The following MIA2 variants were observed in gnomAD, a reference collection of about 807,000 sequenced individuals.
The protein encoded by MIA2 is melanoma inhibitory activity protein 2.
Under a neutral mutation model 167.8 loss-of-function variants are expected in MIA2, and 127 were observed. That is an observed-to-expected ratio of 0.76 (90% CI 0.66 to 0.88). MIA2 has a LOEUF of 0.88. MIA2 is among the 40% of genes least tolerant of loss of function. The pLI, the probability that MIA2 is intolerant of heterozygous loss-of-function variation, is 0.00. For missense variants in MIA2, 1,690 were observed against 1,624.7 expected (o/e 1.04, Z -0.69); for synonymous variants, 552 against 541.9 (o/e 1.02, Z -0.26).
At chr14:39,294,844 C>T in intron 12 of MIA2, 81 bp from the exon 13 acceptor site, 1 of 919,584 alleles carries the variant, frequency 1.1e-6, no homozygotes, top group Non-Finnish European at 1.7e-6. Context: ...TTGTTTAATT[C>T]TGTGTTCTAG....
At chr14:39,269,074 G>GATTTTTTTTT in intron 6 of MIA2, 1 of 580,220 alleles carries the variant, frequency 1.7e-6, no homozygotes, top group Non-Finnish European at 2.0e-6. Context: ...CACCTGCACA[G>GATTTTTTTTT]TTTTTTTTTT....
chr14:39,271,956 C>T (rs988852344), intron 6 of MIA2, among the ~76,000 whole-genome samples: 1 of 152,062 alleles, frequency 6.6e-6, no homozygotes, highest in African/African-American at 2.4e-5. Flanking sequence ...GGGTCTGCGG[C>T]CTTTTGTGGA....
intron 25 of MIA2, among the ~76,000 whole-genome samples, chr14:39,341,357 A>G (rs1286351238): frequency 6.6e-6 from 1 of 152,148 alleles, no homozygotes; most frequent in Non-Finnish European, 1.5e-5. Context: ...GGATAATATA[A>G]CATATTTATT....
chr14:39,268,077 A>C (rs2056336579), intron 6 of MIA2, among the ~76,000 whole-genome samples: 1 of 151,708 alleles, frequency 6.6e-6, no homozygotes, highest in Admixed American at 6.6e-5. Context: ...TACAGTCTAG[A>C]GATAGTAAAC....
chr14:39,265,324 C>A, intron 6 of MIA2: 1 of 1,175,980 alleles, frequency 8.5e-7, no homozygotes, highest in Non-Finnish European at 1.3e-6. Context: ...TGAAATCTTT[C>A]TCAAGGATAT....
At chr14:39,372,714 T>C (rs968343802) in intron 23 of MIA2, among the ~76,000 whole-genome samples, 2 of 152,194 alleles carry the variant, frequency 1.3e-5, no homozygotes, top group African/African-American at 4.8e-5. Context: ...AAACCAGATA[T>C]AAGTTGTATG....
At position 39,313,438 on chromosome 14, in the gene MIA2, A is replaced by G. The variant is rs898706495; in HGVS notation, c.3116A>G (p.Tyr1039Cys). The G allele has an allele frequency of 1.9e-6, 3 of 1,565,164 alleles. No homozygotes were observed. The highest frequency in any genetic ancestry group is 1.4e-5 in the African/African-American group (1 of 72,870). ...CATGCCACTGAAGAGCTGGAGACCTATAGGTATTAAATACATTTTTCTGGT... is the reference window on the plus strand; with the variant it reads ...CATGCCACTGAAGAGCTGGAGACCTGTAGGTATTAAATACATTTTTCTGGT... ...ISHATEELET[Y>C]RKRAKDLEEE... Residue 1039 changes from tyrosine (Y) to cysteine (C), a missense_variant, in exon 19 of 29, where the codon TAT (tyrosine) becomes TGT (cysteine). Tyr to Cys is a radical substitution (Grantham distance 194). Coordinates refer to ENST00000640607, the MANE Select transcript of MIA2 (RefSeq NM_001329214.4).
chr14:39,354,916 C>G (rs1048908103), downstream of MIA2, among the ~76,000 whole-genome samples: 3 of 151,972 alleles, frequency 2.0e-5, no homozygotes, highest in East Asian at 3.9e-4. Flanking sequence ...TTCCATTGAT[C>G]TATATCTCTG....
At chr14:39,319,320 A>G (rs991400727) in intron 23 of MIA2, 29 bp downstream of exon 23, 3 of 1,239,504 alleles carry the variant, frequency 2.4e-6, no homozygotes, top group African/African-American at 1.5e-5. Context: ...CCCCTCATTT[A>G]AAATACATAT....
At chr14:39,251,015 C>A (rs981233298) in intron 4 of MIA2, among the ~76,000 whole-genome samples, 1 of 151,914 alleles carries the variant, frequency 6.6e-6, no homozygotes, top group African/African-American at 2.4e-5. Context: ...TTCTATAAAG[C>A]CACAGGCCCT....
intron 23 of MIA2, among the ~76,000 whole-genome samples, chr14:39,367,169 C>G (rs1179697683): frequency 2.6e-5 from 4 of 152,168 alleles, no homozygotes; most frequent in Non-Finnish European, 1.5e-5. Context: ...GGCAGCCTCC[C>G]TTGTGTGCTA....
intron 9 of MIA2, among the ~76,000 whole-genome samples, chr14:39,290,213 T>C (rs1379863557): frequency 6.6e-6 from 1 of 152,208 alleles, no homozygotes; most frequent in African/African-American, 2.4e-5. Flanking sequence ...CATCAGCCTC[T>C]TCTTCTAGGG....
At chr14:39,274,431 C>CTTTTTTTTTTTTTTTT (rs547198743) in intron 6 of MIA2, among the ~76,000 whole-genome samples, 3 of 136,982 alleles carry the variant, frequency 2.2e-5, no homozygotes, top group Non-Finnish European at 1.6e-5. Context: ...TTCTTTTTTT[C>CTTTTTTTTTTTTTTTT]TTTTTTTTTT....
In MIA2 at chr14:39,247,230, CT is replaced by C; in HGVS notation, c.657del (p.Val220CysfsTer37). Reference sequence around the variant, plus strand: ...GAAGTGCATGTCCCACCATCTTCAGCTGTGTCTGGAGTCAAAGAATGGTTTG... The same window carrying C: ...GAAGTGCATGTCCCACCATCTTCAGCGTGTCTGGAGTCAAAGAATGGTTTG... ...IPEVHVPPSS[A>X]VSGVKEWFGL... On this transcript the variant is annotated frameshift_variant, in exon 4 of 29. Coordinates refer to ENST00000640607, the MANE Select transcript of MIA2 (RefSeq NM_001329214.4). LOFTEE classifies it high-confidence loss of function. The C allele has an allele frequency of 3.7e-6, 6 of 1,614,090 alleles. No individual in the cohort carries two copies. Among genetic ancestry groups the C allele is most frequent in the Non-Finnish European group, 5.1e-6 (6 of 1,180,020 alleles).
intron 25 of MIA2, among the ~76,000 whole-genome samples, chr14:39,345,667 C>G (rs1240238555): frequency 6.6e-6 from 1 of 152,054 alleles, no homozygotes; most frequent in African/African-American, 2.4e-5. Flanking sequence ...CTAATTTACA[C>G]ATAGTAATTG....
intron 4 of MIA2, 64 bp from the exon 5 acceptor site, chr14:39,252,683 CA>C: frequency 7.8e-7 from 1 of 1,286,344 alleles, no homozygotes; most frequent in South Asian, 1.4e-5. Context: ...GCCTAGAAAA[CA>C]AAAGGGGAGC....
chr14:39,302,480 C>CTT (rs989199095), intron 15 of MIA2, among the ~76,000 whole-genome samples: 2 of 151,966 alleles, frequency 1.3e-5, no homozygotes, highest in Non-Finnish European at 2.9e-5. Flanking sequence ...AGCCTCCTCC[C>CTT]TTTTTTTTGT....
chr14:39,242,687 A>C (rs1370827960), intron 3 of MIA2, among the ~76,000 whole-genome samples: 1 of 152,174 alleles, frequency 6.6e-6, no homozygotes, highest in African/African-American at 2.4e-5. Context: ...CACCTAGCAC[A>C]GTGCCAGGCA....
intron 2 of MIA2, among the ~76,000 whole-genome samples, chr14:39,238,629 T>C (rs2152604382): frequency 6.6e-6 from 1 of 151,692 alleles, no homozygotes; most frequent in African/African-American, 2.4e-5. Context: ...ACCTCATCTC[T>C]ACTAAAAATA....
Sources: gnomAD v4.1 joint callset for allele counts (sites outside exome capture counted in the v4.1 genomes callset) on GRCh38, gnomAD v4.1.1 for gene constraint, MANE v1.5 for transcripts, NCBI Gene and HGNC (gene_info 2026-07-23, HGNC 2026-07-21) for gene names.